PLBD1: variants seen among roughly 807,000 people sequenced by gnomAD.
PLBD1 encodes phospholipase B domain containing 1.
A neutral mutation model predicts 63.0 loss-of-function variants in PLBD1; 60 were observed. That is an observed-to-expected ratio of 0.95 (90% CI 0.77 to 1.18). The LOEUF (loss-of-function observed/expected upper bound fraction) is 1.18. Among genes scored for constraint, PLBD1 ranks in the 50% most tolerant of loss-of-function variants. The pLI is 0.00. For synonymous variants in PLBD1, 262 were observed against 248.0 expected, an observed-to-expected ratio of 1.06 and a Z score of -0.53; for missense variants, 598 against 677.9, an observed-to-expected ratio of 0.88 and a Z score of 1.31.
intron 2 of PLBD1, among the ~76,000 whole-genome samples, chr12:14,544,133 CT>C (rs1254514958): frequency 6.6e-6 from 1 of 152,110 alleles, no homozygotes; most frequent in Non-Finnish European, 1.5e-5. Flanking sequence ...GCAGTCTCAT[CT>C]GCTGCATTAT....
Position 14,557,502 on chromosome 12 carries a change from GC to G in PLBD1, c.116-4091del, listed in dbSNP as rs540064774. On this transcript the variant is annotated intron_variant, in intron 1 of 10. Transcript: ENST00000240617. ...GCCATAAAAAAGGATAAAATAATGT[GC>G]TTTGCAGGAACATGGATGGAGCTGG... is the stretch of plus-strand genomic sequence containing the variant. Among the ~76,000 whole-genome samples the G allele has an allele frequency of 2.2e-3, 341 of 152,208 alleles. 3 individuals carry two copies. Among genetic ancestry groups the G allele is most frequent in the African/African-American group, 7.8e-3 (325 of 41,520 alleles).
At chr12:14,506,315 A>G (rs1945255838) in intron 9 of PLBD1, 47 bp from the exon 10 acceptor site, 2 of 1,364,724 alleles carry the variant, frequency 1.5e-6, no homozygotes, top group African/African-American at 1.4e-5. Flanking sequence ...CTATTTGGAG[A>G]CACACTTCTC....
Position 14,540,110 on chromosome 12 carries a change from T to TATATATA in PLBD1, c.558+653_558+654insTATATAT, listed in dbSNP as rs1565577674. 1.0e-3 allele frequency among the ~76,000 whole-genome samples: 94 copies of TATATATA among 91,776 alleles called. 3 individuals are homozygous for TATATATA. The highest frequency in any genetic ancestry group is 3.9e-3 in the African/African-American group (89 of 23,040). 60.2% of individuals were successfully genotyped at this position (91,776 alleles called of 152,430 possible). A position where few individuals can be genotyped will look rare whatever the true frequency, so the allele number is the denominator to read the frequency against. ...GAGAGTTATATAATATAAATATTAT[T>TATATATA]TATATATATATATATATATATACTG... On this transcript the variant is annotated intron_variant, in intron 4 of 10. Transcript: ENST00000240617.
At chr12:14,518,247 AT>A (rs1414799837) in intron 6 of PLBD1, among the ~76,000 whole-genome samples, 28 of 152,332 alleles carry the variant, frequency 1.8e-4, no homozygotes, top group African/African-American at 6.7e-4. Context: ...AGCCAGGTAC[AT>A]GGTAGGGGCT....
At chr12:14,510,003 C>A (rs967247835) in intron 8 of PLBD1, among the ~76,000 whole-genome samples, 3 of 152,184 alleles carry the variant, frequency 2.0e-5, no homozygotes, top group African/African-American at 7.2e-5. Context: ...GACTTTAGAA[C>A]AACCATGGAG....
At chr12:14,504,337 A>G (rs1945232534) in intron 10 of PLBD1, among the ~76,000 whole-genome samples, 1 of 152,218 alleles carries the variant, frequency 6.6e-6, no homozygotes, top group African/African-American at 2.4e-5. Context: ...GGCATGAGCC[A>G]CCGCGCCAGG....
chr12:14,534,997 A>G (rs1324943456), intron 6 of PLBD1, among the ~76,000 whole-genome samples: 1 of 152,166 alleles, frequency 6.6e-6, no homozygotes, highest in African/African-American at 2.4e-5. Context: ...CCACTTTGAG[A>G]TAGCCATGTT....
intron 4 of PLBD1, among the ~76,000 whole-genome samples, chr12:14,539,325 C>T (rs1945546764): frequency 6.6e-6 from 1 of 152,050 alleles, no homozygotes; most frequent in South Asian, 2.1e-4. Context: ...AGTCTCCAAT[C>T]TCATCTCTCT....
intron 6 of PLBD1, among the ~76,000 whole-genome samples, chr12:14,534,678 C>G (rs189613994): frequency 3.3e-5 from 5 of 151,998 alleles, no homozygotes. Context: ...AGAGTAGCTG[C>G]GACTACAGGC....
chr12:14,539,034 A>G (rs1945543880), intron 4 of PLBD1, among the ~76,000 whole-genome samples: 1 of 152,112 alleles, frequency 6.6e-6, no homozygotes, highest in Non-Finnish European at 1.5e-5. Context: ...ATAAATAAAT[A>G]AATAAATAAA....
chr12:14,545,600 T>G lies in PLBD1; in HGVS notation c.336-3309A>C, dbSNP rs543364686. On this transcript the variant is annotated intron_variant, in intron 2 of 10. Transcript: ENST00000240617. ...GTTTTTATCTGATGCTTTTCACTGA[T>G]GTAGGGAGTTCAGAATTGGAGGCCA... Among the ~76,000 whole-genome samples, 9 of 152,346 alleles carry G rather than the reference T, an allele frequency of 5.9e-5. No homozygotes were observed. In the South Asian group the frequency reaches 1.9e-3, roughly 32 times the overall value.
intron 6 of PLBD1, among the ~76,000 whole-genome samples, chr12:14,520,340 T>C (rs1387418612): frequency 6.6e-6 from 1 of 152,218 alleles, no homozygotes; most frequent in African/African-American, 2.4e-5. Flanking sequence ...ATTACACAGA[T>C]GCAGGAGCAA....
At chr12:14,549,784 C>T (rs1032366550) in intron 2 of PLBD1, among the ~76,000 whole-genome samples, 1 of 152,164 alleles carries the variant, frequency 6.6e-6, no homozygotes, top group African/African-American at 2.4e-5. Flanking sequence ...TCTCCTTCCT[C>T]AGCCTCCCAA....
rs1216846681 is a variant in PLBD1 at position 14,510,960 on chromosome 12, G to A, written c.1186+300C>T. Reference sequence around the variant, plus strand: ...CAGTGGCACTCCAAAAATATTTGCTGAATTGAACTTAAAGCTTTAACCAGG... The same window carrying A: ...CAGTGGCACTCCAAAAATATTTGCTAAATTGAACTTAAAGCTTTAACCAGG... On this transcript the variant is annotated intron_variant, in intron 8 of 10. Coordinates refer to ENST00000240617, the MANE Select transcript of PLBD1 (RefSeq NM_024829.6). 8.5e-5 allele frequency among the ~76,000 whole-genome samples: 13 copies of A among 152,236 alleles called. No homozygotes were observed. The East Asian group carries it at 2.5e-3, about 29-fold the overall frequency.
rs778824843 is a variant in PLBD1 at position 14,511,347 on chromosome 12, G to T, written c.1099C>A (p.His367Asn). The change falls in exon 8 of 11, where the codon CAC (histidine) becomes AAC (asparagine). Residue 367 changes from histidine (H) to asparagine (N), a missense_variant. Transcript: ENST00000240617. ...TACAGAGTGCCTTTGTCAAGACTGT[G>T]GTTCAGCTTTACTTTCTTCAGGTCC... Reference protein sequence around the residue: ...VLDLKKVKLNHSLDKGTLYIV... With the variant: ...VLDLKKVKLNNSLDKGTLYIV... 6.2e-7 allele frequency: 1 copy of T among 1,613,280 alleles called. No individual in the cohort carries two copies. The highest frequency in any genetic ancestry group is 1.7e-5 in the Admixed American group (1 of 59,942).
intron 2 of PLBD1, among the ~76,000 whole-genome samples, chr12:14,550,551 C>T (rs1192099249): frequency 1.3e-5 from 2 of 151,976 alleles, no homozygotes; most frequent in Non-Finnish European, 2.9e-5. Flanking sequence ...AAATTACCAG[C>T]CTGGGAAACA....
chr12:14,559,729 A>T (rs1324559549), intron 1 of PLBD1, among the ~76,000 whole-genome samples: 1 of 151,974 alleles, frequency 6.6e-6, no homozygotes, highest in East Asian at 1.9e-4. Context: ...TATAAAAAGT[A>T]TTTTTTTCTA....
At chr12:14,548,243 G>A (rs991821674) in intron 2 of PLBD1, among the ~76,000 whole-genome samples, 1 of 151,902 alleles carries the variant, frequency 6.6e-6, no homozygotes, top group Non-Finnish European at 1.5e-5. Flanking sequence ...GATCGCCTGA[G>A]GTCAGGAGTT....
chr12:14,548,199 G>C (rs968238241), intron 2 of PLBD1, among the ~76,000 whole-genome samples: 2 of 152,026 alleles, frequency 1.3e-5, no homozygotes, highest in African/African-American at 4.8e-5. Flanking sequence ...GCTCACGCCT[G>C]TAATCCCAGC....
Sources: gnomAD v4.1 joint callset for allele counts (sites outside exome capture counted in the v4.1 genomes callset) on GRCh38, gnomAD v4.1.1 for gene constraint, MANE v1.5 for transcripts, NCBI Gene and HGNC (gene_info 2026-07-23, HGNC 2026-07-21) for gene names.